NCAM1: variants seen among roughly 807,000 people sequenced by gnomAD.
The protein encoded by NCAM1 is antigen recognized by monoclonal antibody 5.1H11.
NCAM1 carries 14 observed loss-of-function variants against 109.8 expected under a neutral mutation model. The observed-to-expected ratio is 0.13, with a 90% CI of 0.08 to 0.20. NCAM1 has a LOEUF of 0.20. Among genes scored for constraint, NCAM1 ranks in the 10% least tolerant of loss-of-function variants. NCAM1 has a pLI of 1.00. For missense variants in NCAM1, 774 were observed against 1,109.9 expected (o/e 0.70, Z 4.30); for synonymous variants, 418 against 442.9 (o/e 0.94, Z 0.70).
intron 1 of NCAM1, among the ~76,000 whole-genome samples, chr11:112,969,304 G>A (rs1342395118): frequency 6.6e-6 from 1 of 152,182 alleles, no homozygotes; most frequent in Admixed American, 6.5e-5. Flanking sequence ...AATGGAAACT[G>A]AGACTGAGAA....
At chr11:112,992,503 C>CTTTTTTTT (rs1335878256) in intron 1 of NCAM1, among the ~76,000 whole-genome samples, 1 of 135,516 alleles carries the variant, frequency 7.4e-6, no homozygotes, top group African/African-American at 2.7e-5. Flanking sequence ...CTTTTTTTTT[C>CTTTTTTTT]TTTTTTTTTT....
In NCAM1 at chr11:113,232,477, G is replaced by C. The variant is rs1015131352; in HGVS notation, c.1425+123G>C. On this transcript the variant is annotated intron_variant, in intron 11 of 19. Coordinates refer to ENST00000316851, the MANE Select transcript of NCAM1 (RefSeq NM_181351.5). Reference sequence around the variant, plus strand: ...CACATCCTGAGCAGGGAAGGCATGGGCTAGAGAAGACACTGAGCCTCTTTT... The same window carrying C: ...CACATCCTGAGCAGGGAAGGCATGGCCTAGAGAAGACACTGAGCCTCTTTT... 2.8e-6 allele frequency: 3 copies of C among 1,085,820 alleles called. No homozygotes were observed. The East Asian group carries it at 7.6e-5, about 27-fold the overall frequency. The allele number at this position is 1,085,820 out of a possible 1,614,324, so 67.3% of individuals were successfully genotyped here. A position where few individuals can be genotyped will look rare whatever the true frequency, so the allele number is the denominator to read the frequency against.
intron 14 of NCAM1, chr11:113,236,377 T>C (rs1349920917): frequency 2.5e-6 from 4 of 1,575,692 alleles, no homozygotes; most frequent in Non-Finnish European, 3.5e-6. Flanking sequence ...TAGTTCTAGT[T>C]CGTAATTTAG....
intron 1 of NCAM1, among the ~76,000 whole-genome samples, chr11:112,993,262 C>G (rs1401551794): frequency 6.6e-6 from 1 of 151,750 alleles, no homozygotes; most frequent in Non-Finnish European, 1.5e-5. Context: ...TGGCAGAAGG[C>G]AAAAAGGGTA....
intron 1 of NCAM1, among the ~76,000 whole-genome samples, chr11:113,105,884 G>A (rs1459020091): frequency 6.6e-6 from 1 of 152,146 alleles, no homozygotes; most frequent in African/African-American, 2.4e-5. Context: ...TTAAAAGGCT[G>A]AATCATTTGA....
rs117652845 is a variant in NCAM1, at chr11:113,079,741, A to G, written c.52+118077A>G. Among the ~76,000 whole-genome samples, 14 of 152,330 alleles carry G rather than the reference A, an allele frequency of 9.2e-5. No homozygotes were observed. The East Asian group carries it at 2.7e-3, about 29-fold the overall frequency. The stretch of plus-strand genomic sequence containing the variant: ...ATGATACCCTAGCACCTTCAACTCA[A>G]TCAGCCAGTCTAGTCGGTCTGTTTC... On this transcript the variant is annotated intron_variant, in intron 1 of 19. Coordinates refer to ENST00000316851, the MANE Select transcript of NCAM1 (RefSeq NM_181351.5).
intron 1 of NCAM1, among the ~76,000 whole-genome samples, chr11:113,009,134 A>G (rs1555073831): frequency 6.6e-6 from 1 of 152,114 alleles, no homozygotes. Context: ...TATGTTTGGC[A>G]CACAGTCATC....
At chr11:113,128,909 GTGTGTGTGTGTGT>G (rs1565453090) in intron 1 of NCAM1, among the ~76,000 whole-genome samples, 9 of 110,666 alleles carry the variant, frequency 8.1e-5, no homozygotes, top group South Asian at 2.5e-4. Flanking sequence ...TTGTGAGGGT[GTGTGTGTGTGTGT>G]GTGTGTGTGT....
intron 1 of NCAM1, among the ~76,000 whole-genome samples, chr11:113,012,685 G>C (rs1952100333): frequency 6.6e-6 from 1 of 152,112 alleles, no homozygotes; most frequent in Admixed American, 6.6e-5. Context: ...TTGTTTCCTG[G>C]TGTTCTTCTT....
At chr11:113,101,422 A>T (rs144949425) in intron 1 of NCAM1, among the ~76,000 whole-genome samples, 1 of 152,294 alleles carries the variant, frequency 6.6e-6, no homozygotes, top group African/African-American at 2.4e-5. Flanking sequence ...TGTTACTTTC[A>T]TACTCTATTT....
intron 1 of NCAM1, among the ~76,000 whole-genome samples, chr11:113,143,213 G>T (rs182035153): frequency 2.4e-3 from 358 of 152,220 alleles, no homozygotes; most frequent in Non-Finnish European, 4.2e-3. Flanking sequence ...ATTCAATTAG[G>T]TTTCATACAT....
Position 113,242,863 on chromosome 11 carries a change from G to T in NCAM1, c.1826-3505G>T, listed in dbSNP as rs112424524. 4.3e-6 allele frequency: 7 copies of T among 1,613,936 alleles called. No homozygotes were observed. The East Asian group carries it at 1.3e-4, about 31-fold the overall frequency. On this transcript the variant is annotated intron_variant, in intron 14 of 19. Transcript: ENST00000316851. ...AACCAGCTAGTGAGTACAGGGCTGA[G>T]TTGCTCTCGGCCAGACCTCTGATCG... is the stretch of plus-strand genomic sequence containing the variant.
chr11:113,172,128 T>A (rs1389981210), intron 1 of NCAM1, among the ~76,000 whole-genome samples: 3 of 152,162 alleles, frequency 2.0e-5, no homozygotes, highest in African/African-American at 7.2e-5. Context: ...ACAAGGAATT[T>A]CTCTTTACCC....
chr11:113,113,606 T>A (rs1366996427), intron 1 of NCAM1, among the ~76,000 whole-genome samples: 2 of 152,144 alleles, frequency 1.3e-5, no homozygotes, highest in Non-Finnish European at 2.9e-5. Context: ...GACTGGTGGG[T>A]TCCATCTAGA....
intron 15 of NCAM1, among the ~76,000 whole-genome samples, chr11:113,254,934 T>C (rs574310813): frequency 6.6e-6 from 1 of 152,362 alleles, no homozygotes; most frequent in South Asian, 2.1e-4. Flanking sequence ...AATGCAATTG[T>C]TTCTTTTAAA....
chr11:113,118,615 A>G (rs1209627148), intron 1 of NCAM1, among the ~76,000 whole-genome samples: 2 of 152,092 alleles, frequency 1.3e-5, no homozygotes, highest in East Asian at 3.9e-4. Context: ...TCATGAAACA[A>G]TGAATTCCCC....
intron 1 of NCAM1, among the ~76,000 whole-genome samples, chr11:113,168,752 T>A (rs1942891095): frequency 6.6e-6 from 1 of 152,236 alleles, no homozygotes; most frequent in Non-Finnish European, 1.5e-5. Flanking sequence ...AACGCTGAGC[T>A]AATTATATTT....
At chr11:113,264,562 G>A (rs782554461) in intron 17 of NCAM1, 8 of 985,424 alleles carry the variant, frequency 8.1e-6, no homozygotes, top group African/African-American at 3.5e-5. Flanking sequence ...GTGTGGGAGA[G>A]CTACTGGCTC....
intron 1 of NCAM1, among the ~76,000 whole-genome samples, chr11:113,160,274 G>A (rs958393870): frequency 2.6e-5 from 4 of 152,186 alleles, no homozygotes; most frequent in Admixed American, 1.3e-4. Flanking sequence ...CAGCATGAAT[G>A]CAATCATGGA....
Sources: allele counts gnomAD v4.1 joint callset (sites outside exome capture counted in the v4.1 genomes callset), GRCh38; gene constraint gnomAD v4.1.1; transcripts MANE v1.5; gene names NCBI Gene and HGNC (gene_info 2026-07-23, HGNC 2026-07-21).